MRPS28: variants seen among roughly 807,000 people sequenced by gnomAD.
The protein encoded by MRPS28 is small ribosomal subunit protein bS1m.
MRPS28 carries 7 observed loss-of-function variants against 10.8 expected under a neutral mutation model. The observed-to-expected ratio is 0.65, with a 90% CI of 0.37 to 1.22. The LOEUF is 1.22. MRPS28 is among the 50% of genes most tolerant of loss of function. The pLI is 0.02. For synonymous variants in MRPS28, 121 were observed against 93.3 expected, an observed-to-expected ratio of 1.30 and a Z score of -1.71; for missense variants, 265 against 232.9, an observed-to-expected ratio of 1.14 and a Z score of -0.90.
intron 2 of MRPS28, chr8:79,957,416 A>G (rs775291081): frequency 1.3e-5 from 2 of 152,234 alleles, no homozygotes; most frequent in East Asian, 3.9e-4. Flanking sequence ...TGTTTAATAT[A>G]TAAGACCAGA....
At chr8:79,967,648 T>C (rs1423529889) in intron 2 of MRPS28, among the ~76,000 whole-genome samples, 2 of 152,316 alleles carry the variant, frequency 1.3e-5, no homozygotes, top group East Asian at 1.9e-4. Context: ...CTATGCCTGT[T>C]AGACAGGTGT....
intron 2 of MRPS28, among the ~76,000 whole-genome samples, chr8:79,930,229 T>C (rs1421692207): frequency 6.6e-6 from 1 of 152,226 alleles, no homozygotes; most frequent in Admixed American, 6.5e-5. Flanking sequence ...CTTAATTAAC[T>C]AGGCAACACA....
At chr8:79,925,586 AAATG>A (rs1321140447) in intron 2 of MRPS28, among the ~76,000 whole-genome samples, 1 of 152,238 alleles carries the variant, frequency 6.6e-6, no homozygotes, top group Non-Finnish European at 1.5e-5. Context: ...AATGTCTAGT[AAATG>A]ATTTCATTTT....
intron 2 of MRPS28, among the ~76,000 whole-genome samples, chr8:79,978,849 G>A (rs902042281): frequency 5.9e-5 from 9 of 152,170 alleles, no homozygotes; most frequent in Non-Finnish European, 8.8e-5. Flanking sequence ...TTAAAATGTA[G>A]TAATCAGAAT....
At chr8:79,919,904 C>T (rs1810029933) in intron 2 of MRPS28, among the ~76,000 whole-genome samples, 1 of 150,978 alleles carries the variant, frequency 6.6e-6, no homozygotes, top group South Asian at 2.1e-4. Flanking sequence ...CCCATTAACT[C>T]GTCATTTACG....
chr8:79,983,743 G>A (rs1192775617), intron 2 of MRPS28, among the ~76,000 whole-genome samples: 2 of 152,140 alleles, frequency 1.3e-5, no homozygotes, highest in African/African-American at 4.8e-5. Context: ...AAAGAGAAAC[G>A]AACAAAGCCT....
At chr8:80,014,198 A>C (rs1809135660) in intron 1 of MRPS28, among the ~76,000 whole-genome samples, 1 of 152,218 alleles carries the variant, frequency 6.6e-6, no homozygotes, top group Non-Finnish European at 1.5e-5. Flanking sequence ...AGAATAGCTA[A>C]AAACAACAGA....
intron 2 of MRPS28, among the ~76,000 whole-genome samples, chr8:79,935,014 T>C (rs142577504): frequency 2.0e-5 from 3 of 152,376 alleles, no homozygotes; most frequent in Non-Finnish European, 4.4e-5. Context: ...ACAGGCTCCA[T>C]GACCACAAAA....
intron 2 of MRPS28, among the ~76,000 whole-genome samples, chr8:79,988,419 T>C (rs771671420): frequency 7.3e-5 from 11 of 150,048 alleles, no homozygotes; most frequent in African/African-American, 2.7e-4. Flanking sequence ...ACTTAAAGTA[T>C]AATAATAATA....
In MRPS28 at chr8:80,029,875, C is replaced by T. The variant is rs769444150; in HGVS notation, c.213+161G>A. 5.2e-6 allele frequency: 8 copies of T among 1,536,134 alleles called. No individual in the cohort carries two copies. In the South Asian group the frequency reaches 9.6e-5, roughly 18 times the overall value. ...GGAAGAAAAACACCAAGCACAGATT[C>T]TAGGGGCCGAGGGCTGAGCCACAAC... is the stretch of plus-strand genomic sequence containing the variant. On this transcript the variant is annotated intron_variant, in intron 1 of 2. Coordinates refer to ENST00000276585, the MANE Select transcript of MRPS28 (RefSeq NM_014018.3).
intron 2 of MRPS28, among the ~76,000 whole-genome samples, chr8:79,931,270 T>G (rs996038042): frequency 6.6e-6 from 1 of 152,188 alleles, no homozygotes; most frequent in African/African-American, 2.4e-5. Context: ...GTTATCTGCA[T>G]CTAGTTGTCC....
intron 2 of MRPS28, among the ~76,000 whole-genome samples, chr8:79,965,546 T>C (rs1373243500): frequency 6.6e-6 from 1 of 152,084 alleles, no homozygotes; most frequent in African/African-American, 2.4e-5. Flanking sequence ...CCTTTTATCC[T>C]TTTTGAATAG....
At chr8:80,024,220 C>A (rs1467206703) in intron 1 of MRPS28, among the ~76,000 whole-genome samples, 2 of 148,336 alleles carry the variant, frequency 1.3e-5, no homozygotes, top group African/African-American at 2.6e-5. Flanking sequence ...CAGAGCAAGA[C>A]CCTGTCTGGA....
chr8:79,923,034 T>C (rs1199193941), intron 2 of MRPS28, among the ~76,000 whole-genome samples: 1 of 152,134 alleles, frequency 6.6e-6, no homozygotes, highest in African/African-American at 2.4e-5. Context: ...TTTTGAGAAG[T>C]TACTTTTTCT....
chr8:79,927,343 A>G (rs1446263884), intron 2 of MRPS28, among the ~76,000 whole-genome samples: 1 of 152,186 alleles, frequency 6.6e-6, no homozygotes, highest in African/African-American at 2.4e-5. Context: ...TGGCTTGACA[A>G]CTGCTTGATG....
chr8:79,945,712 AT>A, intron 2 of MRPS28, among the ~76,000 whole-genome samples: 1 of 152,376 alleles, frequency 6.6e-6, no homozygotes, highest in East Asian at 1.9e-4. Context: ...ATTTTCATAA[AT>A]GTAAAACCTC....
rs371898137 is a variant in MRPS28 at position 80,016,417 on chromosome 8, A to AC, written c.214-13238_214-13237insG. ...ATCTAAAGTGTTAAGAGGAAACAAA[A>AC]AAAAAAAATACTAACCTAGAATTCT... On this transcript the variant is annotated intron_variant, in intron 1 of 2. Transcript: ENST00000276585. 5.4e-3 allele frequency among the ~76,000 whole-genome samples: 820 copies of AC among 152,088 alleles called. 6 individuals carry two copies. The highest frequency in any genetic ancestry group is 0.019 in the African/African-American group (781 of 41,480).
intron 2 of MRPS28, among the ~76,000 whole-genome samples, chr8:79,938,548 G>T (rs1286242624): frequency 6.6e-6 from 1 of 151,912 alleles, no homozygotes; most frequent in African/African-American, 2.4e-5. Flanking sequence ...CCTTATGGTT[G>T]AAGTTTTGGT....
At chr8:80,000,508 T>C (rs1245111581) in intron 2 of MRPS28, among the ~76,000 whole-genome samples, 1 of 152,158 alleles carries the variant, frequency 6.6e-6, no homozygotes, top group Non-Finnish European at 1.5e-5. Context: ...ACTGCTTCAC[T>C]GGGGGGAGAA....
Sources: allele counts gnomAD v4.1 joint callset (sites outside exome capture counted in the v4.1 genomes callset), GRCh38; gene constraint gnomAD v4.1.1; transcripts MANE v1.5; gene names NCBI Gene and HGNC (gene_info 2026-07-23, HGNC 2026-07-21).